The following SORCS2 variants were observed in gnomAD, a reference collection of about 807,000 sequenced individuals.
SORCS2 encodes the protein sortilin related VPS10 domain containing receptor 2, also known as VPS10 domain-containing receptor SorCS2.
In SORCS2, 100 loss-of-function variants were observed where a neutral mutation model predicts 141.6. The observed-to-expected ratio is 0.71, with a 90% CI of 0.60 to 0.83. The LOEUF (loss-of-function observed/expected upper bound fraction) is 0.83. Among genes scored for constraint, SORCS2 ranks in the 40% least tolerant of loss-of-function variants. The probability of loss-of-function intolerance (pLI) is 0.00; values close to 1 mark genes in which losing one functional copy is unlikely to be tolerated. For synonymous variants in SORCS2, 789 were observed against 676.9 expected (o/e 1.17, Z -2.57); for missense variants, 1,646 against 1,560.2 (o/e 1.05, Z -0.93).
At chr4:7,546,611 C>G (rs1243449299) in intron 3 of SORCS2, among the ~76,000 whole-genome samples, 1 of 152,210 alleles carries the variant, frequency 6.6e-6, no homozygotes, top group Non-Finnish European at 1.5e-5. Flanking sequence ...ACCGTGACAC[C>G]TGGCCCCCAA....
chr4:7,421,917 GGGGCT>G (rs1726096385), intron 2 of SORCS2, among the ~76,000 whole-genome samples: 1 of 151,784 alleles, frequency 6.6e-6, no homozygotes, highest in Non-Finnish European at 1.5e-5. Flanking sequence ...GGGCTGGGGC[GGGGCT>G]GGGCATCACG....
intron 1 of SORCS2, among the ~76,000 whole-genome samples, chr4:7,281,506 G>A (rs2108860067): frequency 1.3e-5 from 2 of 152,268 alleles, no homozygotes; most frequent in East Asian, 3.9e-4. Flanking sequence ...TTGCTGGGCT[G>A]TGCGTGCGTC....
Position 7,740,564 on chromosome 4 carries a change from C to T in SORCS2, c.*300C>T, listed in dbSNP as rs765722682. On this transcript the variant is annotated 3_prime_UTR_variant, in exon 27 of 27. Transcript: ENST00000507866. ...CCGCCCCACGTGCTGTCGCTCAGCC[C>T]GAGGCCTGACTTCTCTGGGCTGAGG... 11 of 456,696 alleles carry T rather than the reference C, an allele frequency of 2.4e-5. No homozygotes were observed. Among genetic ancestry groups the T allele is most frequent in the East Asian group, 3.7e-5 (1 of 26,968 alleles). The allele number at this position is 456,696 out of a possible 1,614,324, so 28.3% of individuals were successfully genotyped here.
At chr4:7,542,216 A>G (rs4596239) in intron 3 of SORCS2, among the ~76,000 whole-genome samples, 22,606 of 152,158 alleles carry the variant, frequency 0.15, 1,734 homozygotes, top group African/African-American at 0.17. Flanking sequence ...GTGATTATCA[A>G]TTATTAAGAC....
intron 2 of SORCS2, among the ~76,000 whole-genome samples, chr4:7,517,599 T>C (rs1465764357): frequency 6.6e-6 from 1 of 152,184 alleles, no homozygotes; most frequent in Non-Finnish European, 1.5e-5. Context: ...ATGTTATCAT[T>C]TTGTTCCAGG....
chr4:7,730,745 C>A lies in SORCS2; in HGVS notation c.3108+1033C>A, dbSNP rs371935456. 3.7e-4 allele frequency among the ~76,000 whole-genome samples: 57 copies of A among 152,208 alleles called. No individual in the cohort carries two copies. The South Asian group carries it at 0.011, about 30-fold the overall frequency. On this transcript the variant is annotated intron_variant, in intron 23 of 26. Transcript: ENST00000507866. ...CCAGGGGCTGGGGGAGGGCGCATGG[C>A]GAGTGACTGCTAAGGCTAGGGGATT... is the stretch of plus-strand genomic sequence containing the variant.
At chr4:7,608,752 G>A (rs529032665) in intron 3 of SORCS2, among the ~76,000 whole-genome samples, 50 of 152,196 alleles carry the variant, frequency 3.3e-4, no homozygotes, top group Non-Finnish European at 6.6e-4. Context: ...CCCGCTCCAG[G>A]GACATCACAT....
Position 7,664,550 on chromosome 4 carries a change from G to C in SORCS2, c.1071+79G>C. The C allele has an allele frequency of 2.0e-6, 2 of 1,007,422 alleles. No homozygotes were observed. Among genetic ancestry groups the C allele is most frequent in the Non-Finnish European group, 3.0e-6 (2 of 674,250 alleles). The allele number at this position is 1,007,422 out of a possible 1,614,324, so 62.4% of individuals were successfully genotyped here. A position where few individuals can be genotyped will look rare whatever the true frequency, so the allele number is the denominator to read the frequency against. On this transcript the variant is annotated intron_variant, in intron 7 of 26. Transcript: ENST00000507866. This position sits in a 1 kb window ranked among gnomAD's most constrained non-coding sequence, Gnocchi z 4.7. The stretch of plus-strand genomic sequence containing the variant: ...ACCCGTTCGCGGCAAAAATGGCATC[G>C]CTCAGAAAAGAGGCAATAAAACGGG...
At chr4:7,566,983 T>A (rs1251401417) in intron 3 of SORCS2, among the ~76,000 whole-genome samples, 2 of 152,272 alleles carry the variant, frequency 1.3e-5, no homozygotes, top group Non-Finnish European at 2.9e-5. Context: ...GAGTATTGGG[T>A]GAGTGCTCTC....
At chr4:7,516,596 C>T (rs1226470976) in intron 2 of SORCS2, among the ~76,000 whole-genome samples, 1 of 152,094 alleles carries the variant, frequency 6.6e-6, no homozygotes, top group Non-Finnish European at 1.5e-5. Flanking sequence ...GCTGCTTTTC[C>T]TTGGTGGAAT....
intron 2 of SORCS2, among the ~76,000 whole-genome samples, chr4:7,454,326 C>G (rs1357432273): frequency 1.1e-5 from 1 of 90,574 alleles, no homozygotes; most frequent in African/African-American, 4.7e-5. Flanking sequence ...GTGTTGGGGT[C>G]AGGTGCTGTG....
chr4:7,354,273 T>C (rs7660098), intron 1 of SORCS2, among the ~76,000 whole-genome samples: 152,205 of 152,264 alleles, frequency 1, 76,073 homozygotes, highest in Middle Eastern at 1. Context: ...CAATGTGAGC[T>C]CTGACCTTGG....
chr4:7,730,462 C>T (rs1711575351), intron 23 of SORCS2, among the ~76,000 whole-genome samples: 1 of 152,212 alleles, frequency 6.6e-6, no homozygotes, highest in South Asian at 2.1e-4. Context: ...CATGGATTCA[C>T]AGCAGCATTA....
chr4:7,712,907 G>C, intron 15 of SORCS2, 54 bp downstream of exon 15: 1 of 1,596,312 alleles, frequency 6.3e-7, no homozygotes, highest in Non-Finnish European at 8.5e-7. Flanking sequence ...TGCAAACACA[G>C]GCCCACTCTG....
intron 3 of SORCS2, among the ~76,000 whole-genome samples, chr4:7,606,598 G>T (rs1442652218): frequency 6.6e-6 from 1 of 152,106 alleles, no homozygotes; most frequent in Non-Finnish European, 1.5e-5. Flanking sequence ...GGTGCGTCCT[G>T]TGCCTTGAGG....
At chr4:7,624,845 C>T (rs752239390) in intron 3 of SORCS2, among the ~76,000 whole-genome samples, 6 of 152,196 alleles carry the variant, frequency 3.9e-5, no homozygotes, top group Non-Finnish European at 5.9e-5. Context: ...ACGATTAAAC[C>T]GTATTCACTC....
At chr4:7,424,111 G>A (rs1209323689) in intron 2 of SORCS2, among the ~76,000 whole-genome samples, 1 of 152,196 alleles carries the variant, frequency 6.6e-6, no homozygotes, top group Non-Finnish European at 1.5e-5. Flanking sequence ...TCCCTGGCCT[G>A]TCACCCTGGG....
chr4:7,657,949 G>A (rs1334768873), intron 5 of SORCS2, among the ~76,000 whole-genome samples: 1 of 151,686 alleles, frequency 6.6e-6, no homozygotes, highest in Non-Finnish European at 1.5e-5. Flanking sequence ...CGAGTGAGTG[G>A]ACGAGTGATT....
At chr4:7,552,326 G>T (rs1469440560) in intron 3 of SORCS2, among the ~76,000 whole-genome samples, 1 of 152,158 alleles carries the variant, frequency 6.6e-6, no homozygotes, top group Non-Finnish European at 1.5e-5. Flanking sequence ...TCCCAGGAAG[G>T]TGTCTCTGTC....
Sources: allele counts gnomAD v4.1 joint callset (sites outside exome capture counted in the v4.1 genomes callset), GRCh38; gene constraint gnomAD v4.1.1; non-coding constraint Gnocchi (gnomAD v3.1); transcripts MANE v1.5; gene names NCBI Gene and HGNC (gene_info 2026-07-23, HGNC 2026-07-21).